The following KCNT2 variants were observed in gnomAD, a reference collection of about 807,000 sequenced individuals.
The protein encoded by KCNT2 is potassium channel subfamily T member 2.
In KCNT2, 67 loss-of-function variants were observed where a neutral mutation model predicts 153.8. The ratio of observed to expected loss-of-function variants is 0.44; its 90% CI spans 0.36 to 0.53. The LOEUF (loss-of-function observed/expected upper bound fraction) is 0.53. Ranked by LOEUF, KCNT2 falls within the 20% of genes least tolerant of loss-of-function variation. The pLI, the probability that KCNT2 is intolerant of heterozygous loss-of-function variation, is 0.00. For missense variants in KCNT2, 975 were observed against 1,354.8 expected, an observed-to-expected ratio of 0.72 and a Z score of 4.40; for synonymous variants, 500 against 458.8, an observed-to-expected ratio of 1.09 and a Z score of -1.15.
intron 10 of KCNT2, among the ~76,000 whole-genome samples, chr1:196,426,444 A>G (rs1673661234): frequency 6.6e-6 from 1 of 152,076 alleles, no homozygotes; most frequent in East Asian, 1.9e-4. Context: ...ATAATTTTGA[A>G]CAGTTTCTGA....
chr1:196,421,974 C>A (rs1673246780), intron 12 of KCNT2, among the ~76,000 whole-genome samples: 2 of 151,944 alleles, frequency 1.3e-5, no homozygotes, highest in African/African-American at 4.8e-5. Flanking sequence ...TAGCGCCTAC[C>A]CTAATGGTCT....
chr1:196,403,839 G>A (rs974357128), intron 12 of KCNT2, among the ~76,000 whole-genome samples: 7 of 151,642 alleles, frequency 4.6e-5, no homozygotes, highest in African/African-American at 1.5e-4. Flanking sequence ...TTACAAAAAT[G>A]CATGAGTAAA....
At chr1:196,268,043 A>C (rs945572211) in intron 25 of KCNT2, among the ~76,000 whole-genome samples, 2 of 152,102 alleles carry the variant, frequency 1.3e-5, no homozygotes, top group African/African-American at 2.4e-5. Context: ...GATCCCTTAA[A>C]ATGACAGACC....
chr1:196,402,447 A>G (rs1353460051), intron 12 of KCNT2, among the ~76,000 whole-genome samples: 1 of 151,638 alleles, frequency 6.6e-6, no homozygotes, highest in East Asian at 1.9e-4. Flanking sequence ...AACAAGTGGT[A>G]TAACAATGAT....
chr1:196,560,690 G>A (rs1319152194), intron 1 of KCNT2, among the ~76,000 whole-genome samples: 1 of 111,970 alleles, frequency 8.9e-6, no homozygotes, highest in Non-Finnish European at 2.3e-5. Context: ...ATAATGATAT[G>A]ATGTTTTTTC....
chr1:196,275,512 G>A (rs928501362), intron 25 of KCNT2, among the ~76,000 whole-genome samples: 6 of 151,754 alleles, frequency 4.0e-5, no homozygotes, highest in Non-Finnish European at 8.8e-5. Flanking sequence ...GATTATCAAT[G>A]TTCTTTACCA....
rs1678874511 is a variant in KCNT2 at position 196,480,031 on chromosome 1, T to C, written c.325-793A>G. Among the ~76,000 whole-genome samples, 3 of 152,234 alleles carry C rather than the reference T, an allele frequency of 2.0e-5. No homozygotes were observed. The South Asian group carries it at 6.2e-4, about 31-fold the overall frequency. On this transcript the variant is annotated intron_variant, in intron 4 of 27. Transcript: ENST00000294725. ...AGTGTTAGTACTATCTTCCTACGTA[T>C]CCTTTTATCTTTTTCTATATTCTCT...
At chr1:196,248,958 A>T (rs1655695613) in intron 26 of KCNT2, among the ~76,000 whole-genome samples, 1 of 152,184 alleles carries the variant, frequency 6.6e-6, no homozygotes, top group African/African-American at 2.4e-5. Flanking sequence ...AAGATTATTC[A>T]TCATGACCAA....
At chr1:196,422,547 A>G (rs767567519) in intron 12 of KCNT2, among the ~76,000 whole-genome samples, 18 of 152,018 alleles carry the variant, frequency 1.2e-4, no homozygotes, top group Non-Finnish European at 2.6e-4. Flanking sequence ...CATCATAAAT[A>G]TCATATAAGC....
chr1:196,435,665 G>T (rs1572441688), intron 8 of KCNT2, among the ~76,000 whole-genome samples: 1 of 151,658 alleles, frequency 6.6e-6, no homozygotes, highest in East Asian at 1.9e-4. Flanking sequence ...AGTGAATACT[G>T]CATGCTCTAA....
Position 196,449,392 on chromosome 1 carries a change from G to A in KCNT2, c.638+15901C>T, listed in dbSNP as rs191817842. Among the ~76,000 whole-genome samples the A allele has an allele frequency of 7.3e-5, 11 of 151,660 alleles. No homozygotes were observed. The East Asian group carries it at 2.2e-3, about 30-fold the overall frequency. On this transcript the variant is annotated intron_variant, in intron 8 of 27. Transcript: ENST00000294725. ...TGTAATTCAATGGGCTAACAGACAG[G>A]CTCTGTAAAAAGAATATTAAGTGTC...
intron 14 of KCNT2, among the ~76,000 whole-genome samples, chr1:196,368,174 C>A (rs1202267468): frequency 6.6e-6 from 1 of 152,082 alleles, no homozygotes; most frequent in Non-Finnish European, 1.5e-5. Context: ...TGCAATATTC[C>A]TTATTCCACA....
At chr1:196,339,654 G>T (rs1572094571) in intron 16 of KCNT2, among the ~76,000 whole-genome samples, 1 of 151,940 alleles carries the variant, frequency 6.6e-6, no homozygotes, top group East Asian at 1.9e-4. Flanking sequence ...GGAGGAACAA[G>T]GGCATGGTTC....
intron 12 of KCNT2, 85 bp downstream of exon 12, chr1:196,422,965 G>C: frequency 2.5e-6 from 2 of 796,034 alleles, no homozygotes; most frequent in Non-Finnish European, 2.0e-6. Flanking sequence ...AATACTTAAT[G>C]CTGGCGAATT....
chr1:196,237,044 G>A (rs1654505859), intron 26 of KCNT2, among the ~76,000 whole-genome samples: 1 of 151,526 alleles, frequency 6.6e-6, no homozygotes, highest in South Asian at 2.1e-4. Flanking sequence ...AAATTTTTCA[G>A]TTTGACCCAA....
chr1:196,258,952 T>C (rs867751299), intron 25 of KCNT2, among the ~76,000 whole-genome samples: 1 of 152,152 alleles, frequency 6.6e-6, no homozygotes, highest in Middle Eastern at 3.2e-3. Context: ...TAATGTTGTT[T>C]TTAAATTATT....
At chr1:196,446,378 C>T (rs1378644428) in intron 8 of KCNT2, among the ~76,000 whole-genome samples, 1 of 151,310 alleles carries the variant, frequency 6.6e-6, no homozygotes, top group Non-Finnish European at 1.5e-5. Context: ...CATAGAATAA[C>T]AAACCCATGA....
At chr1:196,494,547 A>T (rs959820365) in intron 1 of KCNT2, among the ~76,000 whole-genome samples, 3 of 151,932 alleles carry the variant, frequency 2.0e-5, no homozygotes, top group African/African-American at 7.3e-5. Flanking sequence ...TACAGGCGCC[A>T]GCCACCATGC....
chr1:196,594,024 C>G (rs182110192), intron 1 of KCNT2, among the ~76,000 whole-genome samples: 2 of 151,858 alleles, frequency 1.3e-5, no homozygotes, highest in Admixed American at 1.3e-4. Flanking sequence ...GAATTCAATA[C>G]CATTCATCTC....
Sources: allele counts gnomAD v4.1 joint callset (sites outside exome capture counted in the v4.1 genomes callset), GRCh38; gene constraint gnomAD v4.1.1; transcripts MANE v1.5; gene names NCBI Gene and HGNC (gene_info 2026-07-23, HGNC 2026-07-21).